The following CADM2 variants were observed in gnomAD, a reference collection of about 807,000 sequenced individuals.
CADM2 encodes cell adhesion molecule 2.
Under a neutral mutation model 49.8 loss-of-function variants are expected in CADM2, and 12 were observed. The ratio of observed to expected loss-of-function variants is 0.24; its 90% confidence interval spans 0.15 to 0.39. CADM2 has a LOEUF of 0.39. Among genes scored for constraint, CADM2 ranks in the 10% least tolerant of loss-of-function variants. The pLI, the probability that CADM2 is intolerant of heterozygous loss-of-function variation, is 1.00. For missense variants in CADM2, 378 were observed against 492.3 expected (o/e 0.77, Z 2.20); for synonymous variants, 214 against 175.4 (o/e 1.22, Z -1.74).
At chr3:85,812,146 G>C (rs2072921885) in intron 3 of CADM2, among the ~76,000 whole-genome samples, 1 of 152,082 alleles carries the variant, frequency 6.6e-6, no homozygotes, top group African/African-American at 2.4e-5. Flanking sequence ...TGTGGTGGAA[G>C]GGATACAGGG....
At chr3:85,806,051 C>A (rs2072394040) in intron 3 of CADM2, among the ~76,000 whole-genome samples, 1 of 151,916 alleles carries the variant, frequency 6.6e-6, no homozygotes. Context: ...TTAGAAAATG[C>A]AGCTGTGATT....
At chr3:85,788,077 CT>C (rs1348288697) in intron 2 of CADM2, among the ~76,000 whole-genome samples, 4 of 151,984 alleles carry the variant, frequency 2.6e-5, no homozygotes, top group Non-Finnish European at 5.9e-5. Context: ...TTTTGTTTTA[CT>C]TTCCTTAGGC....
chr3:85,600,997 A>G (rs1163820363), intron 1 of CADM2, among the ~76,000 whole-genome samples: 2 of 150,672 alleles, frequency 1.3e-5, no homozygotes, highest in African/African-American at 4.9e-5. Flanking sequence ...ATAGAAAGAT[A>G]GATAAATACC....
rs377511820 is a variant in CADM2 at position 86,053,276 on chromosome 3, C to T, written c.971-12329C>T. Among the ~76,000 whole-genome samples, 17 of 152,124 alleles carry T rather than the reference C, an allele frequency of 1.1e-4. 1 individual carries two copies. The highest frequency in any genetic ancestry group is 3.9e-4 in the African/African-American group (16 of 41,510). On this transcript the variant is annotated intron_variant, in intron 8 of 9. Coordinates refer to ENST00000383699, the MANE Select transcript of CADM2 (RefSeq NM_001167675.2). ...AATTACATTAAGAGACTAGATTTTC[C>T]TTGTAAGTCAAACATTTGAACTCTA...
At chr3:85,252,657 T>G (rs1459498743) in intron 1 of CADM2, among the ~76,000 whole-genome samples, 1 of 152,006 alleles carries the variant, frequency 6.6e-6, no homozygotes, top group Non-Finnish European at 1.5e-5. Context: ...CATCTTTCAG[T>G]TAGGGAGCAA....
intron 1 of CADM2, among the ~76,000 whole-genome samples, chr3:85,140,389 G>T (rs1188308941): frequency 6.6e-6 from 1 of 152,128 alleles, no homozygotes; most frequent in Non-Finnish European, 1.5e-5. Flanking sequence ...TCAAAAAAAG[G>T]TAAGAACATT....
At chr3:85,446,316 A>T (rs1019580414) in intron 1 of CADM2, among the ~76,000 whole-genome samples, 75 of 152,276 alleles carry the variant, frequency 4.9e-4, no homozygotes, top group South Asian at 1.2e-3. Flanking sequence ...TTATATATTC[A>T]GCAAAGTCTA....
intron 1 of CADM2, among the ~76,000 whole-genome samples, chr3:85,250,243 A>G (rs1046851749): frequency 6.6e-6 from 1 of 151,642 alleles, no homozygotes; most frequent in African/African-American, 2.4e-5. Context: ...TGTCCTTAAA[A>G]GTCAATAGTA....
intron 1 of CADM2, among the ~76,000 whole-genome samples, chr3:85,517,537 A>G (rs1280129629): frequency 1.3e-5 from 2 of 152,152 alleles, no homozygotes; most frequent in South Asian, 2.1e-4. Flanking sequence ...TAGGCTGTCA[A>G]TATCATTAGA....
intron 8 of CADM2, among the ~76,000 whole-genome samples, chr3:85,998,716 ATT>A (rs1729743756): frequency 6.6e-6 from 1 of 152,098 alleles, no homozygotes; most frequent in African/African-American, 2.4e-5. Context: ...GCTTTTGAAG[ATT>A]GCTGTGATAT....
At chr3:85,290,482 G>A (rs979227568) in intron 1 of CADM2, among the ~76,000 whole-genome samples, 3 of 152,200 alleles carry the variant, frequency 2.0e-5, no homozygotes, top group African/African-American at 7.2e-5. Context: ...CATCTCTGGG[G>A]GCAGGGAACA....
At chr3:85,770,518 T>A (rs758746123) in intron 2 of CADM2, among the ~76,000 whole-genome samples, 3 of 152,092 alleles carry the variant, frequency 2.0e-5, no homozygotes, top group Non-Finnish European at 4.4e-5. Flanking sequence ...AGTGTCTCAC[T>A]ACGTTGCTCA....
At chr3:85,957,324 A>G (rs577114744) in intron 7 of CADM2, among the ~76,000 whole-genome samples, 1 of 151,772 alleles carries the variant, frequency 6.6e-6, no homozygotes, top group East Asian at 2.0e-4. Flanking sequence ...TTTTTCCAAT[A>G]TATTATATTT....
intron 2 of CADM2, among the ~76,000 whole-genome samples, chr3:85,742,532 A>G (rs984213902): frequency 6.6e-6 from 1 of 152,238 alleles, no homozygotes; most frequent in African/African-American, 2.4e-5. Flanking sequence ...CTTAAATTAT[A>G]AATGAGGTAT....
At chr3:85,110,924 A>G (rs994657444) in intron 1 of CADM2, among the ~76,000 whole-genome samples, 1 of 151,840 alleles carries the variant, frequency 6.6e-6, no homozygotes, top group African/African-American at 2.4e-5. Context: ...AGATCATTTG[A>G]CTTCCATTGA....
At chr3:84,970,315 ATAT>A (rs2031334030) in intron 1 of CADM2, among the ~76,000 whole-genome samples, 1 of 151,582 alleles carries the variant, frequency 6.6e-6, no homozygotes, top group African/African-American at 2.4e-5. Context: ...TAGGATGGAA[ATAT>A]TATCTGCCTT....
chr3:85,350,883 G>T (rs1263175022), intron 1 of CADM2, among the ~76,000 whole-genome samples: 1 of 151,930 alleles, frequency 6.6e-6, no homozygotes, highest in Non-Finnish European at 1.5e-5. Context: ...TAAAATAAGG[G>T]GTATTAATTG....
intron 8 of CADM2, among the ~76,000 whole-genome samples, chr3:85,986,459 C>CT (rs1268488792): frequency 6.6e-6 from 1 of 151,892 alleles, no homozygotes; most frequent in African/African-American, 2.4e-5. Flanking sequence ...TATTAAAAAT[C>CT]TTTTTTGTTT....
At chr3:85,540,647 T>A (rs1386589194) in intron 1 of CADM2, among the ~76,000 whole-genome samples, 3 of 152,150 alleles carry the variant, frequency 2.0e-5, no homozygotes, top group Non-Finnish European at 4.4e-5. Context: ...TCATTTATCA[T>A]TTCCCTCTAT....
Sources: gnomAD v4.1 joint callset for allele counts (sites outside exome capture counted in the v4.1 genomes callset) on GRCh38, gnomAD v4.1.1 for gene constraint, MANE v1.5 for transcripts, NCBI Gene and HGNC (gene_info 2026-07-23, HGNC 2026-07-21) for gene names.